The following MIDEAS variants were observed in gnomAD, a reference collection of about 807,000 sequenced individuals.
MIDEAS encodes the protein mitotic deacetylase-associated SANT domain protein.
Under a neutral mutation model 102.7 loss-of-function variants are expected in MIDEAS, and 26 were observed. The observed-to-expected ratio is 0.25, with a 90% CI of 0.19 to 0.35. MIDEAS has a LOEUF of 0.35. Among genes scored for constraint, MIDEAS ranks in the 10% least tolerant of loss-of-function variants. The pLI is 1.00. For missense variants in MIDEAS, 1,231 were observed against 1,435.6 expected (o/e 0.86, Z 2.30); for synonymous variants, 585 against 591.0 (o/e 0.99, Z 0.15).
At position 73,725,529 on chromosome 14, in the gene MIDEAS, G is replaced by T. The variant is rs1389718025; in HGVS notation, c.2486-169C>A. Among the ~76,000 whole-genome samples, 3 of 152,220 alleles carry T rather than the reference G, an allele frequency of 2.0e-5. No homozygotes were observed. The highest frequency in any genetic ancestry group is 7.2e-5 in the African/African-American group (3 of 41,466). ...GCCTCACAGCCTCGCTCCCTTGCTT[G>T]TGAAATGGAAACTAATATCACCTAG... On this transcript the variant is annotated intron_variant, in intron 8 of 12. Transcript: ENST00000423556. The surrounding 1 kb of genome is among the most constrained non-coding windows in gnomAD (Gnocchi z 4.1).
chr14:73,727,555 C>T (rs2053080398), intron 4 of MIDEAS, 31 bp from the exon 5 acceptor site: 4 of 1,574,808 alleles, frequency 2.5e-6, no homozygotes, highest in African/African-American at 2.7e-5. Context: ...TGATAAATAG[C>T]ACCCCCCTTT....
At chr14:73,727,891 A>G in intron 4 of MIDEAS, 1 of 187,112 alleles carries the variant, frequency 5.3e-6, no homozygotes, top group Non-Finnish European at 1.1e-5. Flanking sequence ...ACTCCAACAT[A>G]AAGCTGTGGT....
intron 1 of MIDEAS, among the ~76,000 whole-genome samples, chr14:73,785,038 G>A (rs189797180): frequency 1.0e-3 from 156 of 152,266 alleles, no homozygotes; most frequent in African/African-American, 3.7e-3. Flanking sequence ...CAGTGCACTG[G>A]AATCATCAGT....
upstream of MIDEAS, among the ~76,000 whole-genome samples, chr14:73,761,759 A>G (rs2053557148): frequency 6.6e-6 from 1 of 152,170 alleles, no homozygotes; most frequent in Non-Finnish European, 1.5e-5. Context: ...TTCTCCATAC[A>G]GTCTCCTGAA....
intron 10 of MIDEAS, among the ~76,000 whole-genome samples, chr14:73,721,842 C>G (rs2053000193): frequency 6.6e-6 from 1 of 152,162 alleles, no homozygotes; most frequent in East Asian, 1.9e-4. Context: ...GCCTTGAGTT[C>G]CAATTCCAAA....
intron 1 of MIDEAS, among the ~76,000 whole-genome samples, chr14:73,772,656 TA>T (rs936396004): frequency 3.9e-5 from 6 of 152,100 alleles, no homozygotes; most frequent in Non-Finnish European, 4.4e-5. Flanking sequence ...GGTATGAGAT[TA>T]AAAAAATAAT....
chr14:73,779,172 A>C (rs895274030), intron 1 of MIDEAS, among the ~76,000 whole-genome samples: 2 of 151,810 alleles, frequency 1.3e-5, no homozygotes, highest in South Asian at 4.2e-4. Flanking sequence ...GGAGTACTTG[A>C]GGTTAGGAGT....
Position 73,729,644 on chromosome 14 carries a change from C to A in MIDEAS, c.2091G>T (p.Arg697=). 1 of 1,605,132 alleles carries A rather than the reference C, an allele frequency of 6.2e-7. No homozygotes were observed. The highest frequency in any genetic ancestry group is 8.5e-7 in the Non-Finnish European group (1 of 1,174,576). ...TCGCGGAGGGAGGTCACTCACTAGT[C>A]CGGAGCAGCGTGCGATGGGCACTCT... The part of the protein sequence containing the change: ...TPKSAHRTLL[R]TNSAEVTPPV... Residue 697 remains arginine (R), a synonymous_variant, in exon 4 of 13, where the codon CGG becomes CGT. Transcript: ENST00000423556.
At chr14:73,744,993 C>T (rs150257114) in intron 1 of MIDEAS, among the ~76,000 whole-genome samples, 2 of 152,144 alleles carry the variant, frequency 1.3e-5, no homozygotes, top group Non-Finnish European at 2.9e-5. Flanking sequence ...GTTGGCAGAC[C>T]GTTGTACCTT....
In MIDEAS at chr14:73,726,982, T is replaced by C; in HGVS notation, c.2163-10A>G. 1 of 1,572,516 alleles carries C rather than the reference T, an allele frequency of 6.4e-7. No homozygotes were observed. Among genetic ancestry groups the C allele is most frequent in the South Asian group, 1.1e-5 (1 of 87,126 alleles). ...GCCCACGTTGATCCGTCTAGAGGAG[T>C]GAAAAGGGCAGGAAGTGAGGCCTCA... On this transcript the variant is annotated splice_polypyrimidine_tract_variant and intron_variant, in intron 5 of 12. Transcript: ENST00000423556.
At chr14:73,726,521 C>T in intron 7 of MIDEAS, 83 bp downstream of exon 7, 1 of 1,322,976 alleles carries the variant, frequency 7.6e-7, no homozygotes, top group Non-Finnish European at 1.1e-6. Flanking sequence ...TGCATGCCAG[C>T]AGCCATAGGT....
chr14:73,750,749 G>C (rs1419762764), intron 1 of MIDEAS, among the ~76,000 whole-genome samples: 1 of 152,236 alleles, frequency 6.6e-6, no homozygotes, highest in African/African-American at 2.4e-5. Context: ...GCAGTCCAGA[G>C]AAGGAAATAA....
rs1302763905 is a variant in MIDEAS, at chr14:73,739,177, G to A, written c.832C>T (p.Pro278Ser). Reference sequence around the variant, plus strand: ...TGGGGTTGCTGCGAGGGTTGCTGCGGCATGGAATAGAAGTTCTCAAAGAGC... The same window carrying A: ...TGGGGTTGCTGCGAGGGTTGCTGCGACATGGAATAGAAGTTCTCAAAGAGC... ...MPLFENFYSM[P>S]QQPSQQPQDF... Residue 278 changes from proline (P) to serine (S), a missense_variant, in exon 2 of 13, where the codon CCG becomes TCG. Pro to Ser is a moderately conservative substitution (Grantham distance 74, BLOSUM62 -1). Around this residue, in one of 5 missense-constraint regions of MIDEAS, gnomAD observed 758 missense variants for 856.0 expected, o/e 0.89. Coordinates refer to ENST00000423556, the MANE Select transcript of MIDEAS (RefSeq NM_001367710.1). 1.2e-6 allele frequency: 2 copies of A among 1,613,956 alleles called. No homozygotes were observed. The highest frequency in any genetic ancestry group is 2.2e-5 in the East Asian group (1 of 44,882).
At chr14:73,756,295 T>TGTGTGTGTGTGTGTGTGTGTGCGC (rs55692592) in intron 1 of MIDEAS, among the ~76,000 whole-genome samples, 2 of 127,716 alleles carry the variant, frequency 1.6e-5, no homozygotes, top group African/African-American at 5.3e-5. Flanking sequence ...TGTGTGTGTG[T>TGTGTGTGTGTGTGTGTGTGTGCGC]GCGCGCGCGC....
At chr14:73,778,882 T>A (rs1274084332) in intron 1 of MIDEAS, among the ~76,000 whole-genome samples, 3 of 152,050 alleles carry the variant, frequency 2.0e-5, no homozygotes, top group African/African-American at 7.2e-5. Context: ...CTTTCATGCT[T>A]AATCTCATAT....
intron 9 of MIDEAS, chr14:73,723,434 G>A (rs1396936398): frequency 6.6e-6 from 1 of 152,316 alleles, no homozygotes; most frequent in Non-Finnish European, 1.5e-5. Flanking sequence ...TCACAGGCGT[G>A]AGCTACCTCG....
At chr14:73,728,741 T>TTACGCCCGAGTGTTCGGTA (rs1172689725) in intron 4 of MIDEAS, 4 of 152,296 alleles carry the variant, frequency 2.6e-5, no homozygotes, top group African/African-American at 9.6e-5. Context: ...GTACAAGGCC[T>TTACGCCCGAGTGTTCGGTA]TACGCCCGAG....
chr14:73,727,411 C>T, intron 5 of MIDEAS, 47 bp downstream of exon 5: 2 of 1,596,146 alleles, frequency 1.3e-6, no homozygotes, highest in Non-Finnish European at 1.7e-6. Context: ...CACACTGCAC[C>T]AGTGTGGCCA....
chr14:73,756,333 T>C (rs1445826747), intron 1 of MIDEAS, among the ~76,000 whole-genome samples: 1 of 151,012 alleles, frequency 6.6e-6, no homozygotes, highest in African/African-American at 2.5e-5. Context: ...GGGAGGGTGA[T>C]CTGGATTCCA....
Sources: allele counts gnomAD v4.1 joint callset (sites outside exome capture counted in the v4.1 genomes callset), GRCh38; gene constraint gnomAD v4.1.1; regional missense constraint gnomAD v4.1.1; non-coding constraint Gnocchi (gnomAD v3.1); transcripts MANE v1.5; gene names NCBI Gene and HGNC (gene_info 2026-07-23, HGNC 2026-07-21).